Variants in MMRN1 observed in about 807,000 individuals in gnomAD.
MMRN1 encodes multimerin 1, also known as multimerin-1.
A neutral mutation model predicts 100.7 loss-of-function variants in MMRN1; 94 were observed. That is an observed-to-expected ratio of 0.93 (90% CI 0.79 to 1.11). MMRN1 has a LOEUF of 1.11. Among genes scored for constraint, MMRN1 ranks in the 50% least tolerant of loss-of-function variants. MMRN1 has a pLI of 0.00. For missense variants in MMRN1, 1,606 were observed against 1,439.1 expected, an observed-to-expected ratio of 1.12 and a Z score of -1.88; for synonymous variants, 575 against 505.0, an observed-to-expected ratio of 1.14 and a Z score of -1.86.
intron 5 of MMRN1, among the ~76,000 whole-genome samples, chr4:89,933,936 G>GT (rs1046606014): frequency 1.3e-5 from 2 of 151,892 alleles, no homozygotes; most frequent in African/African-American, 2.4e-5. Flanking sequence ...TTGTATGCAA[G>GT]TTTTTTTATA....
At chr4:89,910,973 C>A (rs1368593245) in intron 2 of MMRN1, among the ~76,000 whole-genome samples, 1 of 151,344 alleles carries the variant, frequency 6.6e-6, no homozygotes, top group Non-Finnish European at 1.5e-5. Context: ...GAGGCTAGCC[C>A]ACATGACATG....
intron 1 of MMRN1, among the ~76,000 whole-genome samples, chr4:89,900,288 C>T (rs2110584316): frequency 6.6e-6 from 1 of 152,182 alleles, no homozygotes; most frequent in South Asian, 2.1e-4. Flanking sequence ...AAGATCACTG[C>T]ACTTCATTTC....
At position 89,936,335 on chromosome 4, in the gene MMRN1, A is replaced by T. The variant is rs780204877; in HGVS notation, c.2655A>T (p.Val885=). 4.3e-6 allele frequency: 7 copies of T among 1,612,880 alleles called. No individual in the cohort carries two copies. Among genetic ancestry groups the T allele is most frequent in the Non-Finnish European group, 5.9e-6 (7 of 1,179,526 alleles). ...ATATTTCAGTTAAAAAAGGCAGTGT[A>T]GTTACAAATGAGAGAGATCAGGCTC... is the stretch of plus-strand genomic sequence containing the variant. ...PYYISVKKGS[V]VTNERDQALQ... is the part of the protein sequence containing the mutation. Residue 885 remains valine (V), a synonymous_variant, in exon 6 of 8, where the codon GTA becomes GTT. Transcript: ENST00000264790.
At chr4:89,912,091 A>G in intron 3 of MMRN1, 41 bp downstream of exon 3, 1 of 1,355,650 alleles carries the variant, frequency 7.4e-7, no homozygotes, top group East Asian at 2.4e-5. Context: ...GAACAATAAG[A>G]AACTGATTCT....
intron 1 of MMRN1, among the ~76,000 whole-genome samples, chr4:89,907,526 TA>T (rs1296880299): frequency 2.6e-5 from 4 of 151,392 alleles, no homozygotes; most frequent in Non-Finnish European, 4.4e-5. Context: ...TTGATTTTTT[TA>T]AAAAACAATT....
chr4:89,895,415 G>C lies in MMRN1; in HGVS notation c.444G>C (p.Lys148Asn), dbSNP rs951038020. ...AATTTCTTCAGAGCTTTGCCAGAAA[G>C]TCAAATGAACAAGCAACTTCTCTAA... is the stretch of plus-strand genomic sequence containing the variant. Reference protein sequence around the residue: ...TLKFLQSFARKSNEQATSLNT... With the variant: ...TLKFLQSFARNSNEQATSLNT... Residue 148 changes from lysine to asparagine, a missense_variant, in exon 1 of 8, where the codon AAG (lysine) becomes AAC (asparagine). Physicochemically the swap from Lys to Asn is moderately conservative, Grantham distance 94. Transcript: ENST00000264790. 14 of 1,613,764 alleles carry C rather than the reference G, an allele frequency of 8.7e-6. No individual in the cohort carries two copies. In the African/African-American group the frequency reaches 1.9e-4, roughly 22 times the overall value.
intron 3 of MMRN1, among the ~76,000 whole-genome samples, chr4:89,922,466 T>C (rs1037853916): frequency 2.0e-5 from 3 of 152,200 alleles, no homozygotes; most frequent in Admixed American, 6.6e-5. Context: ...AAAAACTATA[T>C]TGCCATTTAA....
chr4:89,936,594 C>T lies in MMRN1; in HGVS notation c.2914C>T (p.Gln972Ter). ...AACAGAATTTGTGGAACCAATAATT[C>T]AAATAAAAACTCAAGCTGCCCTATC... ...GLTEFVEPII[Q>*]IKTQAALSNL... The change falls in exon 6 of 8, where the codon CAA becomes TAA. Residue 972 changes from glutamine to a stop codon, truncating the protein, a stop_gained. Transcript: ENST00000264790. LOFTEE classifies it high-confidence loss of function. The T allele has an allele frequency of 6.2e-7, 1 of 1,611,580 alleles. No homozygotes were observed. Among genetic ancestry groups the T allele is most frequent in the Non-Finnish European group, 8.5e-7 (1 of 1,179,152 alleles).
At chr4:89,911,760 G>T (rs1380797449) in intron 2 of MMRN1, among the ~76,000 whole-genome samples, 184 bp from the exon 3 acceptor site, 5 of 151,282 alleles carry the variant, frequency 3.3e-5, no homozygotes, top group Admixed American at 1.3e-4. Flanking sequence ...TTTTTGTAAT[G>T]TATTGAAAGA....
chr4:89,941,708 T>G (rs1254625013), intron 6 of MMRN1, among the ~76,000 whole-genome samples: 1 of 152,118 alleles, frequency 6.6e-6, no homozygotes, highest in East Asian at 1.9e-4. Context: ...ACTGCAAAAT[T>G]TTCCAAGTAG....
At chr4:89,943,753 G>A (rs1010629975) in intron 6 of MMRN1, among the ~76,000 whole-genome samples, 1 of 152,162 alleles carries the variant, frequency 6.6e-6, no homozygotes, top group African/African-American at 2.4e-5. Flanking sequence ...ACTTTGGGAG[G>A]CTAAGGTGTG....
chr4:89,948,337 T>C (rs1723054125), intron 6 of MMRN1, among the ~76,000 whole-genome samples: 1 of 152,118 alleles, frequency 6.6e-6, no homozygotes, highest in Non-Finnish European at 1.5e-5. Flanking sequence ...AATTTGGAAA[T>C]GATAACAAAG....
Position 89,935,734 on chromosome 4 carries a change from T to C in MMRN1, c.2054T>C (p.Val685Ala). The C allele has an allele frequency of 6.2e-7, 1 of 1,611,748 alleles. No individual in the cohort carries two copies. The highest frequency in any genetic ancestry group is 8.5e-7 in the Non-Finnish European group (1 of 1,179,196). ...AAGATAGAAAATCTGACTAGTGCTG[T>C]CAATAGTCTAAATTTTATTATCAAA... ...RKKIENLTSA[V>A]NSLNFIIKEL... The change falls in exon 6 of 8, where the codon GTC (valine) becomes GCC (alanine). Residue 685 changes from valine to alanine, a missense_variant. Physicochemically the swap from Val to Ala is moderately conservative, Grantham distance 64 (BLOSUM62 0). Coordinates refer to ENST00000264790, the MANE Select transcript of MMRN1 (RefSeq NM_007351.3).
chr4:89,945,635 G>T (rs975313890), intron 6 of MMRN1, among the ~76,000 whole-genome samples: 3 of 151,998 alleles, frequency 2.0e-5, no homozygotes, highest in Non-Finnish European at 4.4e-5. Flanking sequence ...TTGATTGATG[G>T]TTATAACTCT....
At chr4:89,930,875 T>C (rs78051990) in intron 5 of MMRN1, among the ~76,000 whole-genome samples, 3,094 of 152,192 alleles carry the variant, frequency 0.02, 96 homozygotes, top group African/African-American at 0.069. Flanking sequence ...ATGTAGAAGA[T>C]AAAAATGCTT....
Position 89,953,284 on chromosome 4 carries a change from A to AACTG in MMRN1, c.3553_3554insACTG (p.Arg1185AsnfsTer38). The AACTG allele has an allele frequency of 1.9e-6, 3 of 1,613,948 alleles. No individual in the cohort carries two copies. Among genetic ancestry groups the AACTG allele is most frequent in the Non-Finnish European group, 2.5e-6 (3 of 1,179,852 alleles). ...TATTAACAGTGAAATACACTGTGAT[A>AACTG]GGGTTTTAACTGGGGATGCCTTATT... On this transcript the variant is annotated frameshift_variant, in exon 8 of 8. Coordinates refer to ENST00000264790, the MANE Select transcript of MMRN1 (RefSeq NM_007351.3). LOFTEE classifies it high-confidence loss of function.
At chr4:89,905,667 T>G (rs949562876) in intron 1 of MMRN1, among the ~76,000 whole-genome samples, 6 of 151,486 alleles carry the variant, frequency 4.0e-5, no homozygotes, top group Non-Finnish European at 5.9e-5. Context: ...TGTTTTCCTC[T>G]TGTTCCCTTT....
intron 3 of MMRN1, among the ~76,000 whole-genome samples, chr4:89,916,539 A>G (rs1721925552): frequency 6.6e-6 from 1 of 151,766 alleles, no homozygotes; most frequent in African/African-American, 2.4e-5. Flanking sequence ...ATAAAATATG[A>G]AAAAAGCTTA....
intron 3 of MMRN1, among the ~76,000 whole-genome samples, chr4:89,913,842 G>A (rs986970248): frequency 2.0e-5 from 3 of 151,278 alleles, no homozygotes; most frequent in South Asian, 2.1e-4. Context: ...GTTATTGAAA[G>A]GCCTCTTTTC....
Sources: gnomAD v4.1 joint callset for allele counts (sites outside exome capture counted in the v4.1 genomes callset) on GRCh38, gnomAD v4.1.1 for gene constraint, MANE v1.5 for transcripts, NCBI Gene and HGNC (gene_info 2026-07-23, HGNC 2026-07-21) for gene names.